RANBP2: variants seen among roughly 807,000 people sequenced by gnomAD.
RANBP2 encodes E3 SUMO-protein ligase RanBP2.
RANBP2 carries 57 observed loss-of-function variants against 303.6 expected under a neutral mutation model. The ratio of observed to expected loss-of-function variants is 0.19; its 90% CI spans 0.15 to 0.23. RANBP2 has a LOEUF of 0.23. Ranked by LOEUF, RANBP2 falls within the 10% of genes least tolerant of loss-of-function variation. The probability of loss-of-function intolerance (pLI) is 1.00; values close to 1 mark genes in which losing one functional copy is unlikely to be tolerated. For synonymous variants in RANBP2, 1,167 were observed against 1,301.5 expected, an observed-to-expected ratio of 0.90 and a Z score of 2.23; for missense variants, 3,138 against 3,780.8, an observed-to-expected ratio of 0.83 and a Z score of 4.46.
the RANBP2 span, chr2:109,667,074 C>G: frequency 1.4e-6 from 1 of 728,852 alleles, no homozygotes; most frequent in South Asian, 1.6e-5. Context: ...TTGTGGGTTT[C>G]AAATACACAT....
the RANBP2 span, among the ~76,000 whole-genome samples, chr2:109,110,770 C>T: frequency 6.6e-6 from 1 of 152,162 alleles, no homozygotes; most frequent in Non-Finnish European, 1.5e-5. Context: ...TCCATGCCTT[C>T]TTGGATGCAG....
At chr2:108,789,444 A>AT (rs1679536298), downstream of RANBP2, among the ~76,000 whole-genome samples, 1 of 152,134 alleles carries the variant, frequency 6.6e-6, no homozygotes, top group Non-Finnish European at 1.5e-5. Context: ...AAATAGAAAA[A>AT]TTAGCCAGGC....
At chr2:109,130,184 G>C in the RANBP2 span, 1 of 1,230,842 alleles carries the variant, frequency 8.1e-7, no homozygotes, top group Non-Finnish European at 1.0e-6. Flanking sequence ...GGCGTGGGGG[G>C]CAGTGATGAG....
chr2:109,045,539 C>T, the RANBP2 span, among the ~76,000 whole-genome samples: 1 of 152,146 alleles, frequency 6.6e-6, no homozygotes, highest in Non-Finnish European at 1.5e-5. Context: ...GAGCTAACAA[C>T]GATCTGATAT....
chr2:108,929,158 A>G, the RANBP2 span: 2 of 1,612,684 alleles, frequency 1.2e-6, no homozygotes, highest in South Asian at 1.1e-5. Context: ...GGTTTTCTGC[A>G]GAAAGCATGC....
chr2:109,642,018 C>A, the RANBP2 span, among the ~76,000 whole-genome samples: 1 of 152,098 alleles, frequency 6.6e-6, no homozygotes, highest in East Asian at 1.9e-4. Flanking sequence ...GTTGACCAGG[C>A]TGGTCTTGAA....
chr2:109,545,757 A>T, the RANBP2 span: 1 of 1,427,432 alleles, frequency 7.0e-7, no homozygotes, highest in Non-Finnish European at 9.1e-7. Flanking sequence ...CAATAAGAGC[A>T]GCCATTTTCC....
chr2:109,014,109 A>G, the RANBP2 span, among the ~76,000 whole-genome samples: 1 of 152,222 alleles, frequency 6.6e-6, no homozygotes, highest in Admixed American at 6.5e-5. Flanking sequence ...GCTCTACAAT[A>G]AATTGATTTT....
At chr2:108,726,826 G>A (rs1237053854) in intron 1 of RANBP2, among the ~76,000 whole-genome samples, 2 of 151,936 alleles carry the variant, frequency 1.3e-5, no homozygotes, top group South Asian at 2.1e-4. Flanking sequence ...TTAGGGAGTG[G>A]TGATGACTCT....
At chr2:109,070,273 T>G in the RANBP2 span, among the ~76,000 whole-genome samples, 1 of 152,316 alleles carries the variant, frequency 6.6e-6, no homozygotes, top group African/African-American at 2.4e-5. Flanking sequence ...GGATGTTGTT[T>G]AAGGGGAATG....
chr2:109,061,907 T>C, the RANBP2 span, among the ~76,000 whole-genome samples: 49 of 151,968 alleles, frequency 3.2e-4, no homozygotes, highest in African/African-American at 1.2e-3. Context: ...TTCCCAGCAG[T>C]GGGGGTCAGC....
At chr2:109,766,456 A>AG in the RANBP2 span, among the ~76,000 whole-genome samples, 5 of 150,598 alleles carry the variant, frequency 3.3e-5, no homozygotes, top group African/African-American at 1.2e-4. Flanking sequence ...GGAGGAACCC[A>AG]GGGAGTGTGC....
At chr2:109,381,021 AAGC>A in the RANBP2 span, among the ~76,000 whole-genome samples, 1 of 152,212 alleles carries the variant, frequency 6.6e-6, no homozygotes, top group Admixed American at 6.5e-5. Flanking sequence ...TGTTGGCTTT[AAGC>A]AGTAGTTGTG....
chr2:108,893,085 C>T, the RANBP2 span, among the ~76,000 whole-genome samples: 1 of 152,210 alleles, frequency 6.6e-6, no homozygotes, highest in African/African-American at 2.4e-5. Context: ...CACCTAATTC[C>T]TCATGGTTAT....
In RANBP2 at chr2:108,763,629, T is replaced by G. The variant is rs1676902124; in HGVS notation, c.3090T>G (p.Pro1030=). ...PTQAHTTQPT[P]FKFNSNFKSN... ...AAGCACACACAACACAGCCAACTCC[T>G]TTTAAATTTAACTCAAATTTCAAAT... The change falls in exon 20 of 29, where the codon CCT becomes CCG. Residue 1030 remains proline (P), a synonymous_variant. Transcript: ENST00000283195. The G allele has an allele frequency of 6.2e-7, 1 of 1,614,152 alleles. No homozygotes were observed. The highest frequency in any genetic ancestry group is 1.1e-5 in the South Asian group (1 of 91,084).
At chr2:109,621,744 T>G in the RANBP2 span, among the ~76,000 whole-genome samples, 4 of 152,006 alleles carry the variant, frequency 2.6e-5, no homozygotes, top group South Asian at 8.3e-4. Context: ...AAACCCCATC[T>G]CTACTAAAAA....
the RANBP2 span, among the ~76,000 whole-genome samples, chr2:109,522,664 C>A: frequency 2.6e-5 from 4 of 151,890 alleles, no homozygotes; most frequent in Non-Finnish European, 5.9e-5. Context: ...CCTCGGCCTC[C>A]CAAAGTGTTC....
chr2:109,285,888 G>A, the RANBP2 span, among the ~76,000 whole-genome samples: 5 of 152,264 alleles, frequency 3.3e-5, no homozygotes, highest in South Asian at 2.1e-4. Flanking sequence ...TGCCCCCAGC[G>A]TGCCTCCTTC....
At chr2:108,991,704 C>T in the RANBP2 span, among the ~76,000 whole-genome samples, 1 of 152,194 alleles carries the variant, frequency 6.6e-6, no homozygotes, top group African/African-American at 2.4e-5. Context: ...ACTCCCATCC[C>T]TGTAAAAAAC....
Sources: allele counts gnomAD v4.1 joint callset (sites outside exome capture counted in the v4.1 genomes callset), GRCh38; gene constraint gnomAD v4.1.1; transcripts MANE v1.5; gene names NCBI Gene and HGNC (gene_info 2026-07-23, HGNC 2026-07-21).